The following ACTL8 variants were observed in gnomAD, a reference collection of about 807,000 sequenced individuals.
The protein encoded by ACTL8 is actin like 8.
A neutral mutation model predicts 9.3 loss-of-function variants in ACTL8; 3 were observed. The ratio of observed to expected loss-of-function variants is 0.32; its 90% CI spans 0.15 to 0.83. The LOEUF (loss-of-function observed/expected upper bound fraction) is 0.83. Ranked by LOEUF, ACTL8 falls within the 40% of genes least tolerant of loss-of-function variation. The pLI, the probability that ACTL8 is intolerant of heterozygous loss-of-function variation, is 0.57. For missense variants in ACTL8, 381 were observed against 492.2 expected (o/e 0.77, Z 2.14); for synonymous variants, 224 against 205.9 (o/e 1.09, Z -0.75).
intron 1 of ACTL8, among the ~76,000 whole-genome samples, chr1:17,786,442 C>T (rs767178023): frequency 6.6e-6 from 1 of 152,162 alleles, no homozygotes; most frequent in African/African-American, 2.4e-5. Flanking sequence ...TGCATTTTGA[C>T]CATCAGATGT....
At chr1:17,794,672 A>G (rs1444603669) in intron 1 of ACTL8, among the ~76,000 whole-genome samples, 2 of 151,996 alleles carry the variant, frequency 1.3e-5, no homozygotes, top group Admixed American at 6.6e-5. Context: ...CTTATTTCCT[A>G]CTGTATGAAG....
At chr1:17,756,511 C>T (rs1437338458) in intron 1 of ACTL8, among the ~76,000 whole-genome samples, 1 of 152,156 alleles carries the variant, frequency 6.6e-6, no homozygotes, top group Non-Finnish European at 1.5e-5. Context: ...GTTCTCTTTA[C>T]TCCTTATCAG....
Position 17,780,709 on chromosome 1 carries a change from G to A in ACTL8, c.-25+25205G>A, listed in dbSNP as rs541659915. 2.0e-5 allele frequency among the ~76,000 whole-genome samples: 3 copies of A among 147,462 alleles called. No individual in the cohort carries two copies. The South Asian group carries it at 6.7e-4, about 33-fold the overall frequency. ...TGGTTGACAGTGCAGTCCTGAATCG[G>A]GAACATTGGAGGAAGAGCAGGGGTG... On this transcript the variant is annotated intron_variant, in intron 1 of 2. Coordinates refer to ENST00000375406, the MANE Select transcript of ACTL8 (RefSeq NM_030812.3).
intron 1 of ACTL8, among the ~76,000 whole-genome samples, chr1:17,801,341 T>C (rs1176535452): frequency 2.0e-5 from 3 of 152,214 alleles, no homozygotes; most frequent in Admixed American, 1.3e-4. Context: ...ATTCTAGATA[T>C]TTAAAGCTGT....
At chr1:17,798,228 G>A (rs550499680) in intron 1 of ACTL8, among the ~76,000 whole-genome samples, 1 of 150,520 alleles carries the variant, frequency 6.6e-6, no homozygotes, top group African/African-American at 2.4e-5. Context: ...GCTGCAGGGT[G>A]TGGCACATGT....
chr1:17,788,284 C>T (rs758132122), intron 1 of ACTL8, among the ~76,000 whole-genome samples: 1 of 152,166 alleles, frequency 6.6e-6, no homozygotes, highest in African/African-American at 2.4e-5. Context: ...TCTCTGGGTC[C>T]CCAAGGTTGG....
chr1:17,787,489 CA>C (rs1164208462), intron 1 of ACTL8, among the ~76,000 whole-genome samples: 2 of 151,970 alleles, frequency 1.3e-5, no homozygotes, highest in African/African-American at 4.8e-5. Flanking sequence ...GGCTGGTCTC[CA>C]ACTCCCAGCC....
chr1:17,799,121 C>T (rs537869697), intron 1 of ACTL8, among the ~76,000 whole-genome samples: 4 of 152,216 alleles, frequency 2.6e-5, no homozygotes, highest in East Asian at 3.9e-4. Flanking sequence ...GCTTGGAGGA[C>T]GTGGTTTCTC....
chr1:17,765,623 C>T (rs547358732), intron 1 of ACTL8, among the ~76,000 whole-genome samples: 4 of 152,328 alleles, frequency 2.6e-5, no homozygotes, highest in Middle Eastern at 3.4e-3. Context: ...AGAGCCCTGG[C>T]TCCATTCCAC....
chr1:17,795,054 G>C (rs1026686693), intron 1 of ACTL8, among the ~76,000 whole-genome samples: 2 of 152,214 alleles, frequency 1.3e-5, no homozygotes, highest in African/African-American at 4.8e-5. Context: ...TCACTTTCAT[G>C]TTCAAATAGT....
intron 1 of ACTL8, among the ~76,000 whole-genome samples, chr1:17,806,332 A>C (rs1426065302): frequency 6.6e-6 from 1 of 152,230 alleles, no homozygotes; most frequent in African/African-American, 2.4e-5. Flanking sequence ...AAGAAGAGGC[A>C]TAATTAAAAC....
chr1:17,780,218 C>A (rs991440164), intron 1 of ACTL8, among the ~76,000 whole-genome samples: 13 of 152,074 alleles, frequency 8.5e-5, no homozygotes, highest in East Asian at 3.9e-4. Context: ...TGAAAAAAAA[C>A]CCCAAAAACA....
intron 1 of ACTL8, among the ~76,000 whole-genome samples, chr1:17,763,973 A>G (rs1181269588): frequency 6.6e-6 from 1 of 152,128 alleles, no homozygotes; most frequent in Non-Finnish European, 1.5e-5. Context: ...TGATTGATCT[A>G]GTGCCTTCTA....
intron 1 of ACTL8, among the ~76,000 whole-genome samples, chr1:17,819,023 C>T (rs1209328019): frequency 2.6e-5 from 4 of 152,242 alleles, no homozygotes; most frequent in Non-Finnish European, 5.9e-5. Flanking sequence ...CTTTTACAGT[C>T]ATGTGCCAGG....
chr1:17,764,809 G>A (rs140655010), intron 1 of ACTL8, among the ~76,000 whole-genome samples: 2 of 152,386 alleles, frequency 1.3e-5, no homozygotes, highest in African/African-American at 4.8e-5. Context: ...AGAAACTGAT[G>A]TGTTAACAGG....
chr1:17,756,145 C>T (rs1425505206), intron 1 of ACTL8, among the ~76,000 whole-genome samples: 1 of 151,542 alleles, frequency 6.6e-6, no homozygotes, highest in Non-Finnish European at 1.5e-5. Context: ...GGGTAGGGGG[C>T]CCCTTCCTTG....
intron 1 of ACTL8, among the ~76,000 whole-genome samples, chr1:17,814,093 C>T (rs968557262): frequency 6.6e-6 from 1 of 152,170 alleles, no homozygotes; most frequent in South Asian, 2.1e-4. Flanking sequence ...ATTTCGATTA[C>T]AGTCATTCAC....
intron 1 of ACTL8, among the ~76,000 whole-genome samples, chr1:17,779,080 C>A (rs1213866314): frequency 2.6e-5 from 4 of 152,156 alleles, no homozygotes; most frequent in African/African-American, 9.7e-5. Flanking sequence ...TTCTCTGCCT[C>A]TCCAGCCCTG....
chr1:17,823,322 T>A lies in ACTL8; in HGVS notation c.314T>A (p.Leu105Ter), dbSNP rs1198755899. ...CCTGTGATCATCACGGAGACACCCT[T>A]GAGGGAGCCTGCGGACCGAAAGAAG... ...VPPVIITETP[L>*]REPADRKKML... Residue 105 changes from leucine to a stop codon, truncating the protein, a stop_gained, in exon 2 of 3, where the codon TTG becomes TAG. Coordinates refer to ENST00000375406, the MANE Select transcript of ACTL8 (RefSeq NM_030812.3). LOFTEE classifies it low-confidence loss of function (END_TRUNC). This position sits in a 1 kb window ranked among gnomAD's most constrained non-coding sequence, Gnocchi z 5.3. The A allele has an allele frequency of 1.9e-6, 3 of 1,613,664 alleles. No homozygotes were observed. The African/African-American group carries it at 4.0e-5, about 22-fold the overall frequency.
Sources: gnomAD v4.1 joint callset for allele counts (sites outside exome capture counted in the v4.1 genomes callset) on GRCh38, gnomAD v4.1.1 for gene constraint, Gnocchi (gnomAD v3.1) non-coding constraint, MANE v1.5 for transcripts, NCBI Gene and HGNC (gene_info 2026-07-23, HGNC 2026-07-21) for gene names.